Variants in PLAAT4 observed in about 807,000 individuals in gnomAD.
PLAAT4 encodes the protein HRAS-like suppressor 4.
Under a neutral mutation model 14.1 loss-of-function variants are expected in PLAAT4, and 12 were observed. That is an observed-to-expected ratio of 0.85 (90% confidence interval 0.54 to 1.37). PLAAT4 has a LOEUF of 1.37. Ranked by LOEUF, PLAAT4 falls within the 40% of genes most tolerant of loss-of-function variation. The probability of loss-of-function intolerance (pLI) is 0.00; values close to 1 mark genes in which losing one functional copy is unlikely to be tolerated. For missense variants in PLAAT4, 163 were observed against 211.7 expected (o/e 0.77, Z 1.43); for synonymous variants, 77 against 79.8 (o/e 0.96, Z 0.19).
intron 1 of PLAAT4, 101 bp from the exon 2 acceptor site, chr11:63,539,415 C>A: frequency 2.1e-6 from 2 of 935,404 alleles, no homozygotes; most frequent in Admixed American, 1.8e-5. Context: ...AGCTGATGAA[C>A]ATCAGCAAGG....
chr11:63,540,408 A>G (rs1355664934), intron 2 of PLAAT4, among the ~76,000 whole-genome samples: 1 of 152,238 alleles, frequency 6.6e-6, no homozygotes, highest in Admixed American at 6.5e-5. Flanking sequence ...TTCTCATACA[A>G]ATACACAGTA....
Position 63,546,378 on chromosome 11 carries a change from C to A in PLAAT4, c.*122C>A. ...TCAGGCGTTCTCTAGATCCTTTCCT[C>A]TGTTTCCCTCTCTCGCTGGCAAAAG... On this transcript the variant is annotated 3_prime_UTR_variant, in exon 4 of 4. Coordinates refer to ENST00000255688, the MANE Select transcript of PLAAT4 (RefSeq NM_004585.5). 1.2e-6 allele frequency: 1 copy of A among 817,392 alleles called. No individual in the cohort carries two copies. 50.6% of individuals were successfully genotyped at this position (817,392 alleles called of 1,614,324 possible). A position where few individuals can be genotyped will look rare whatever the true frequency, so the allele number is the denominator to read the frequency against.
chr11:63,542,606 T>C (rs1464156425), intron 2 of PLAAT4, among the ~76,000 whole-genome samples: 1 of 152,204 alleles, frequency 6.6e-6, no homozygotes, highest in Non-Finnish European at 1.5e-5. Context: ...GGCTACCTAT[T>C]TGGCTTCCGT....
chr11:63,544,081 C>A (rs995195340), intron 2 of PLAAT4, among the ~76,000 whole-genome samples: 4 of 152,174 alleles, frequency 2.6e-5, no homozygotes, highest in Non-Finnish European at 4.4e-5. Flanking sequence ...ACAGTGGGTA[C>A]TAAACGAATT....
chr11:63,544,436 C>T (rs541464869), intron 2 of PLAAT4, among the ~76,000 whole-genome samples, 185 bp from the exon 3 acceptor site: 10 of 151,892 alleles, frequency 6.6e-5, no homozygotes, highest in Non-Finnish European at 1.5e-4. Flanking sequence ...GCTGAGATCG[C>T]GTCACTGCAC....
chr11:63,545,207 A>G (rs1271565203), intron 3 of PLAAT4: 2 of 577,954 alleles, frequency 3.5e-6, no homozygotes, highest in Non-Finnish European at 6.2e-6. Flanking sequence ...GGGCCAACCC[A>G]GGACAATGAC....
At chr11:63,538,452 A>T (rs2017291773) in intron 1 of PLAAT4, 1 of 341,130 alleles carries the variant, frequency 2.9e-6, no homozygotes, top group Admixed American at 3.7e-5. Context: ...ACCAACAAGG[A>T]GAAGCTTCCG....
At chr11:63,536,936 G>A (rs2017275316) in intron 1 of PLAAT4, 59 bp downstream of exon 1, 1 of 1,590,906 alleles carries the variant, frequency 6.3e-7, no homozygotes, top group Admixed American at 1.8e-5. Flanking sequence ...CTCCCCCTAG[G>A]AAAGGCCTCA....
chr11:63,539,449 C>A (rs1287671870), intron 1 of PLAAT4, 67 bp from the exon 2 acceptor site: 1 of 1,318,108 alleles, frequency 7.6e-7, no homozygotes, highest in Non-Finnish European at 1.1e-6. Flanking sequence ...AGCTGCAGCT[C>A]CCCCAGCCAG....
intron 1 of PLAAT4, chr11:63,538,435 C>T: frequency 2.9e-6 from 1 of 350,214 alleles, no homozygotes; most frequent in African/African-American, 2.2e-5. Flanking sequence ...GGGATATTGA[C>T]AAGCACACCA....
rs36001314 is a variant in PLAAT4, at chr11:63,541,527, CTT to C, written c.118+1919_118+1920del. On this transcript the variant is annotated intron_variant, in intron 2 of 3. Transcript: ENST00000255688. ...TTTAAAGACAATTTTTCTCTCTTTC[CTT>C]TTTTTTTTTTTTTTTCCTCTGAGAC... Among the ~76,000 whole-genome samples, 42 of 134,860 alleles carry C rather than the reference CTT, an allele frequency of 3.1e-4. 3 individuals are homozygous for C. The highest frequency in any genetic ancestry group is 1.4e-3 in the Admixed American group (19 of 13,280). 88.5% of individuals were successfully genotyped at this position (134,860 alleles called of 152,430 possible). A position where few individuals can be genotyped will look rare whatever the true frequency, so the allele number is the denominator to read the frequency against.
chr11:63,539,427 G>A (rs529160339), intron 1 of PLAAT4, 89 bp from the exon 2 acceptor site: 30 of 1,043,000 alleles, frequency 2.9e-5, no homozygotes, highest in East Asian at 1.7e-4. Context: ...TCAGCAAGGC[G>A]TCTCCAGGAT....
intron 3 of PLAAT4, 33 bp downstream of exon 3, chr11:63,544,922 T>C: frequency 6.2e-7 from 1 of 1,614,036 alleles, no homozygotes. Flanking sequence ...CATCTCCCTC[T>C]GCTTGGGGCT....
At chr11:63,544,483 A>T (rs979850053) in intron 2 of PLAAT4, 138 bp from the exon 3 acceptor site, 25 of 466,262 alleles carry the variant, frequency 5.4e-5, no homozygotes, top group Middle Eastern at 8.3e-4. Context: ...CCATCAAAAT[A>T]AAAAAAAAAA....
intron 1 of PLAAT4, among the ~76,000 whole-genome samples, chr11:63,538,577 A>AC (rs1590662896): frequency 6.6e-6 from 1 of 152,164 alleles, no homozygotes; most frequent in East Asian, 1.9e-4. Context: ...GGAGGCTGTC[A>AC]CCCACTGAGG....
At position 63,540,326 on chromosome 11, in the gene PLAAT4, G is replaced by T. The variant is rs560994960; in HGVS notation, c.118+702G>T. ...TGCCTCATATGTTTTCACACAACAA[G>T]GTGTCTTGATATTATATACTTAAGA... On this transcript the variant is annotated intron_variant, in intron 2 of 3. Coordinates refer to ENST00000255688, the MANE Select transcript of PLAAT4 (RefSeq NM_004585.5). 6.6e-5 allele frequency among the ~76,000 whole-genome samples: 10 copies of T among 152,320 alleles called. No homozygotes were observed. The South Asian group carries it at 1.7e-3, about 25-fold the overall frequency.
chr11:63,536,838 G>A lies in PLAAT4; in HGVS notation c.-31G>A. 1 of 1,605,970 alleles carries A rather than the reference G, an allele frequency of 6.2e-7. No individual in the cohort carries two copies. Among genetic ancestry groups the A allele is most frequent in the Non-Finnish European group, 8.5e-7 (1 of 1,177,538 alleles). On this transcript the variant is annotated 5_prime_UTR_variant, in exon 1 of 4. Coordinates refer to ENST00000255688, the MANE Select transcript of PLAAT4 (RefSeq NM_004585.5). ...AGCATAAAAGCTGATCCACAAACAA[G>A]AGGAGCACCAGACCTCCTCTTGGCT... is the stretch of plus-strand genomic sequence containing the variant.
Position 63,545,831 on chromosome 11 carries a change from C to T in PLAAT4, c.388-318C>T, listed in dbSNP as rs191211416. On this transcript the variant is annotated intron_variant, in intron 3 of 3. Transcript: ENST00000255688. ...AGGAAGCGAGGCACAAACCTTCTTC[C>T]TTGCCCCAAATCAGAACAAATGTCC... is the stretch of plus-strand genomic sequence containing the variant. Among the ~76,000 whole-genome samples the T allele has an allele frequency of 6.6e-4, 101 of 152,256 alleles. 1 individual carries two copies. The highest frequency in any genetic ancestry group is 1.2e-3 in the Non-Finnish European group (81 of 68,012).
intron 1 of PLAAT4, chr11:63,538,407 T>C: frequency 2.7e-6 from 1 of 376,688 alleles, no homozygotes; most frequent in South Asian, 1.9e-5. Flanking sequence ...TGGGGCTGCC[T>C]GAACCAAGTC....
Sources: allele counts gnomAD v4.1 joint callset (sites outside exome capture counted in the v4.1 genomes callset), GRCh38; gene constraint gnomAD v4.1.1; transcripts MANE v1.5; gene names NCBI Gene and HGNC (gene_info 2026-07-23, HGNC 2026-07-21).